Variants in TENM3 observed in about 807,000 individuals in gnomAD.
The protein encoded by TENM3 is teneurin transmembrane protein 3.
In TENM3, 63 loss-of-function variants were observed where a neutral mutation model predicts 255.1. The ratio of observed to expected loss-of-function variants is 0.25; its 90% CI spans 0.20 to 0.30. TENM3 has a LOEUF of 0.30. Ranked by LOEUF, TENM3 falls within the 10% of genes least tolerant of loss-of-function variation. The probability of loss-of-function intolerance (pLI) is 1.00; values close to 1 mark genes in which losing one functional copy is unlikely to be tolerated. For synonymous variants in TENM3, 1,306 were observed against 1,322.3 expected (o/e 0.99, Z 0.27); for missense variants, 2,929 against 3,461.1 (o/e 0.85, Z 3.86).
At chr4:182,300,980 A>G (rs1463196827) in intron 1 of TENM3, among the ~76,000 whole-genome samples, 4 of 152,296 alleles carry the variant, frequency 2.6e-5, no homozygotes, top group Non-Finnish European at 4.4e-5. Context: ...TTATTTGTTC[A>G]TTAGTTTTCT....
chr4:181,610,749 G>A, the TENM3 span, among the ~76,000 whole-genome samples: 12 of 152,112 alleles, frequency 7.9e-5, no homozygotes, highest in South Asian at 1.0e-3. Context: ...TTAATAACAC[G>A]GTAGGTACTC....
chr4:182,532,435 A>G (rs1260984903), intron 3 of TENM3, among the ~76,000 whole-genome samples: 1 of 152,194 alleles, frequency 6.6e-6, no homozygotes, highest in Admixed American at 6.5e-5. Context: ...TAGACATGCC[A>G]TTACTTTTCC....
At chr4:182,441,713 G>C (rs1772502992) in intron 3 of TENM3, among the ~76,000 whole-genome samples, 1 of 152,130 alleles carries the variant, frequency 6.6e-6, no homozygotes, top group Admixed American at 6.5e-5. Context: ...GGCCAGGCTG[G>C]TCTTGAACTC....
At chr4:182,763,144 A>G (rs900432019) in intron 22 of TENM3, among the ~76,000 whole-genome samples, 1 of 152,226 alleles carries the variant, frequency 6.6e-6, no homozygotes, top group Admixed American at 6.5e-5. Flanking sequence ...TTTTTAATAA[A>G]AAACTGTATA....
the TENM3 span, among the ~76,000 whole-genome samples, chr4:181,725,619 T>G: frequency 6.6e-6 from 1 of 152,034 alleles, no homozygotes; most frequent in African/African-American, 2.4e-5. Flanking sequence ...TTTGTATTTT[T>G]TTTTAGTAGA....
At chr4:182,195,022 ATCACACACACAC>A (rs1762935293) in intron 1 of TENM3, among the ~76,000 whole-genome samples, 2 of 95,580 alleles carry the variant, frequency 2.1e-5, no homozygotes, top group South Asian at 4.0e-4. Context: ...CACAGTCTCT[ATCACACACACAC>A]ACACACACAC....
intron 3 of TENM3, among the ~76,000 whole-genome samples, chr4:182,439,162 A>C (rs138767571): frequency 7.9e-5 from 12 of 152,328 alleles, no homozygotes; most frequent in African/African-American, 2.6e-4. Flanking sequence ...ACATCTGTGA[A>C]GTTTGTTATC....
At chr4:182,223,717 G>A (rs1203249571) in intron 1 of TENM3, among the ~76,000 whole-genome samples, 1 of 146,012 alleles carries the variant, frequency 6.8e-6, no homozygotes, top group African/African-American at 2.5e-5. Context: ...TATTGAGTGT[G>A]TGTGTTTGGG....
the TENM3 span, among the ~76,000 whole-genome samples, chr4:181,867,045 T>G: frequency 6.6e-6 from 1 of 152,144 alleles, no homozygotes; most frequent in Non-Finnish European, 1.5e-5. Flanking sequence ...AAACCTCTGC[T>G]TCTCATCATG....
intron 3 of TENM3, among the ~76,000 whole-genome samples, chr4:182,421,325 T>C (rs900524255): frequency 7.9e-5 from 12 of 152,104 alleles, no homozygotes; most frequent in Non-Finnish European, 1.5e-5. Context: ...AGATTAAGGA[T>C]CATCCAACGT....
intron 3 of TENM3, among the ~76,000 whole-genome samples, chr4:182,524,432 G>A (rs1327714020): frequency 7.5e-6 from 1 of 132,478 alleles, no homozygotes; most frequent in East Asian, 2.4e-4. Flanking sequence ...CATGACCACG[G>A]TTCACTCTAT....
chr4:182,247,414 C>G (rs1156887838), intron 1 of TENM3, among the ~76,000 whole-genome samples: 1 of 152,078 alleles, frequency 6.6e-6, no homozygotes, highest in Non-Finnish European at 1.5e-5. Flanking sequence ...GGCCCTCAGA[C>G]CATTGAAAGG....
the TENM3 span, among the ~76,000 whole-genome samples, chr4:182,066,410 A>G: frequency 9.3e-4 from 141 of 152,240 alleles, no homozygotes; most frequent in African/African-American, 3.3e-3. Flanking sequence ...GTCAATAACA[A>G]CAACAACGAT....
intron 1 of TENM3, among the ~76,000 whole-genome samples, chr4:182,294,986 C>CT (rs200970243): frequency 0.21 from 31,684 of 151,744 alleles, 4,266 homozygotes; most frequent in African/African-American, 0.37. Context: ...TTTAATGGCC[C>CT]ATAAAATGTT....
the TENM3 span, among the ~76,000 whole-genome samples, chr4:181,634,248 T>C: frequency 1.3e-5 from 2 of 152,356 alleles, no homozygotes; most frequent in African/African-American, 2.4e-5. Flanking sequence ...CATTTGCTCC[T>C]TGAAAGTTCG....
intron 13 of TENM3, among the ~76,000 whole-genome samples, chr4:182,727,898 T>C (rs889431459): frequency 2.0e-5 from 3 of 150,904 alleles, no homozygotes; most frequent in African/African-American, 7.3e-5. Context: ...TTTTGCTCTG[T>C]TGCCCAGGCT....
the TENM3 span, among the ~76,000 whole-genome samples, chr4:182,075,200 C>CATTTT: frequency 3.1e-5 from 4 of 128,198 alleles, no homozygotes; most frequent in African/African-American, 1.2e-4. Context: ...TGTTTTTTTT[C>CATTTT]TTTTTTTTTT....
chr4:182,680,438 G>GGC (rs1756069552), intron 9 of TENM3, 89 bp downstream of exon 9: 10 of 1,287,014 alleles, frequency 7.8e-6, no homozygotes, highest in Non-Finnish European at 9.6e-6. Flanking sequence ...AGGAAAGAAA[G>GGC]GGGGGGGGAG....
chr4:181,682,844 C>T, the TENM3 span, among the ~76,000 whole-genome samples: 4 of 152,008 alleles, frequency 2.6e-5, no homozygotes, highest in Admixed American at 1.3e-4. Context: ...ATTCATGTTA[C>T]GGTCAGGCAC....
Sources: allele counts gnomAD v4.1 joint callset (sites outside exome capture counted in the v4.1 genomes callset), GRCh38; gene constraint gnomAD v4.1.1; transcripts MANE v1.5; gene names NCBI Gene and HGNC (gene_info 2026-07-23, HGNC 2026-07-21).